The following TNFRSF10C variants were observed in gnomAD, a reference collection of about 807,000 sequenced individuals.
The protein encoded by TNFRSF10C is tumor necrosis factor receptor superfamily member 10C.
A neutral mutation model predicts 16.7 loss-of-function variants in TNFRSF10C; 17 were observed. That is an observed-to-expected ratio of 1.02 (90% CI 0.70 to 1.53). The LOEUF is 1.53. Ranked by LOEUF, TNFRSF10C falls within the 40% of genes most tolerant of loss-of-function variation. TNFRSF10C has a pLI of 0.00. For synonymous variants in TNFRSF10C, 73 were observed against 119.7 expected (o/e 0.61, Z 2.55); for missense variants, 237 against 329.7 (o/e 0.72, Z 2.18).
At chr8:23,115,638 C>T (rs201292747) in intron 4 of TNFRSF10C, 22 bp downstream of exon 4, 1 of 1,601,320 alleles carries the variant, frequency 6.2e-7, no homozygotes, top group African/African-American at 1.3e-5. Flanking sequence ...GTCAGGGGCT[C>T]CTGACAGCTT....
intron 2 of TNFRSF10C, 28 bp from the exon 3 acceptor site, chr8:23,114,629 A>C: frequency 1.3e-6 from 2 of 1,582,502 alleles, no homozygotes; most frequent in South Asian, 1.1e-5. Flanking sequence ...GTGGTGACTC[A>C]TTCATTGGCT....
Position 23,103,041 on chromosome 8 carries a change from T to C in TNFRSF10C, c.-81T>C, listed in dbSNP as rs1327726548. The C allele has an allele frequency of 6.4e-7, 1 of 1,569,192 alleles. No homozygotes were observed. The highest frequency in any genetic ancestry group is 1.2e-5 in the South Asian group (1 of 85,444). ...GGAGCGCTTCCTACCGTTAGGGAACTCTGGGGACAGAGCGCCCCGGCCGCC... is the reference window on the plus strand; with the variant it reads ...GGAGCGCTTCCTACCGTTAGGGAACCCTGGGGACAGAGCGCCCCGGCCGCC... On this transcript the variant is annotated 5_prime_UTR_variant, in exon 1 of 5. Coordinates refer to ENST00000356864, the MANE Select transcript of TNFRSF10C (RefSeq NM_003841.5).
chr8:23,112,067 C>T (rs189841694), intron 2 of TNFRSF10C, among the ~76,000 whole-genome samples: 6 of 152,112 alleles, frequency 3.9e-5, no homozygotes, highest in Admixed American at 3.9e-4. Context: ...TCTGTGGGTT[C>T]TGTAGCCTTC....
chr8:23,117,084 G>A lies in TNFRSF10C; in HGVS notation c.*53G>A, dbSNP rs1041810529. The A allele has an allele frequency of 9.1e-5, 145 of 1,587,714 alleles. 1 individual carries two copies. Among genetic ancestry groups the A allele is most frequent in the Admixed American group, 2.1e-4 (12 of 58,518 alleles). On this transcript the variant is annotated 3_prime_UTR_variant, in exon 5 of 5. Coordinates refer to ENST00000356864, the MANE Select transcript of TNFRSF10C (RefSeq NM_003841.5). ...CCTTACCTGAAAGGTTCAGGTAGGCGCTGGCTGAGGGCGGGGGGCGCTGGA... is the reference window on the plus strand; with the variant it reads ...CCTTACCTGAAAGGTTCAGGTAGGCACTGGCTGAGGGCGGGGGGCGCTGGA...
chr8:23,117,054 T>C lies in TNFRSF10C; in HGVS notation c.*23T>C, dbSNP rs752180102. ...TGAAAGACTTCACTGTGGAAGAAAT[T>C]CCTTCCTTACCTGAAAGGTTCAGGT... On this transcript the variant is annotated 3_prime_UTR_variant, in exon 5 of 5. Coordinates refer to ENST00000356864, the MANE Select transcript of TNFRSF10C (RefSeq NM_003841.5). The C allele has an allele frequency of 6.2e-7, 1 of 1,608,974 alleles. No individual in the cohort carries two copies. The highest frequency in any genetic ancestry group is 1.3e-5 in the African/African-American group (1 of 74,772).
chr8:23,107,812 T>C (rs888849004), intron 1 of TNFRSF10C, among the ~76,000 whole-genome samples: 2 of 152,184 alleles, frequency 1.3e-5, no homozygotes, highest in African/African-American at 4.8e-5. Flanking sequence ...TTGGAAGGGC[T>C]GAGAAAGCAA....
At chr8:23,112,737 A>T (rs1813903321) in intron 2 of TNFRSF10C, among the ~76,000 whole-genome samples, 1 of 152,242 alleles carries the variant, frequency 6.6e-6, no homozygotes, top group African/African-American at 2.4e-5. Flanking sequence ...ACGTAGGTTG[A>T]TTCCATGTCT....
At chr8:23,111,280 G>A (rs887286385) in intron 1 of TNFRSF10C, among the ~76,000 whole-genome samples, 8 of 151,342 alleles carry the variant, frequency 5.3e-5, no homozygotes, top group African/African-American at 1.5e-4. Flanking sequence ...GCAATGGCGC[G>A]ATCTTGGCTC....
At position 23,110,069 on chromosome 8, in the gene TNFRSF10C, C is replaced by CAAAAAAAAAAAA. The variant is rs56263402; in HGVS notation, c.61-1636_61-1625dup. 1.6e-3 allele frequency among the ~76,000 whole-genome samples: 62 copies of CAAAAAAAAAAAA among 39,650 alleles called. 11 individuals are homozygous for CAAAAAAAAAAAA. Among genetic ancestry groups the CAAAAAAAAAAAA allele is most frequent in the East Asian group, 6.5e-3 (7 of 1,070 alleles). The allele number at this position is 39,650 out of a possible 152,430, so 26.0% of individuals were successfully genotyped here. ...GGAGGACAGAGGGAGACCCTGTCTC[C>CAAAAAAAAAAAA]AAAAAAAAAAAAAAAAAAAAAAAAA... On this transcript the variant is annotated intron_variant, in intron 1 of 4. Transcript: ENST00000356864.
At chr8:23,103,289 G>A (rs1373318857) in intron 1 of TNFRSF10C, 108 bp downstream of exon 1, 4 of 1,522,210 alleles carry the variant, frequency 2.6e-6, no homozygotes, top group Non-Finnish European at 3.6e-6. Flanking sequence ...ACCTGCGGCC[G>A]GGCATGTCCG....
At chr8:23,106,764 A>G (rs1813784042) in intron 1 of TNFRSF10C, among the ~76,000 whole-genome samples, 1 of 152,076 alleles carries the variant, frequency 6.6e-6, no homozygotes, top group Admixed American at 6.5e-5. Flanking sequence ...AGGCAGGTGG[A>G]TCACGAGGTC....
At chr8:23,116,615 T>C (rs1228061288) in intron 4 of TNFRSF10C, 26 bp from the exon 5 acceptor site, 4 of 1,602,586 alleles carry the variant, frequency 2.5e-6, no homozygotes, top group Non-Finnish European at 3.4e-6. Flanking sequence ...TCAGGAGTCC[T>C]CACCTCCCTC....
intron 1 of TNFRSF10C, chr8:23,103,402 C>A: frequency 3.9e-6 from 3 of 764,174 alleles, no homozygotes; most frequent in Non-Finnish European, 6.3e-6. Context: ...CCCCTGGCTG[C>A]CCCGAGCCCG....
At chr8:23,115,850 C>A (rs1018964006) in intron 4 of TNFRSF10C, among the ~76,000 whole-genome samples, 1 of 152,104 alleles carries the variant, frequency 6.6e-6, no homozygotes, top group Admixed American at 6.5e-5. Context: ...TCCCCTTGGC[C>A]AGACCAACTT....
intron 1 of TNFRSF10C, among the ~76,000 whole-genome samples, chr8:23,107,929 G>T (rs775439914): frequency 2.0e-5 from 3 of 152,198 alleles, no homozygotes; most frequent in African/African-American, 2.4e-5. Context: ...AGAGTGTAAG[G>T]CCAAGAAAAC....
At chr8:23,114,808 G>T (rs4242389) in intron 3 of TNFRSF10C, 38 bp downstream of exon 3, 1 of 1,576,406 alleles carries the variant, frequency 6.3e-7, no homozygotes, top group Non-Finnish European at 8.7e-7. Context: ...GAGGTGGAGC[G>T]TGGGGCAATG....
chr8:23,114,046 A>G (rs1340339544), intron 2 of TNFRSF10C, among the ~76,000 whole-genome samples: 1 of 152,034 alleles, frequency 6.6e-6, no homozygotes, highest in Non-Finnish European at 1.5e-5. Context: ...GAGATAGACA[A>G]GGTTGGTGGG....
Position 23,114,752 on chromosome 8 carries a change from T to A in TNFRSF10C, c.262T>A (p.Cys88Ser). 1 of 1,613,912 alleles carries A rather than the reference T, an allele frequency of 6.2e-7. No individual in the cohort carries two copies. The highest frequency in any genetic ancestry group is 1.7e-5 in the Admixed American group (1 of 60,012). The change falls in exon 3 of 5, where the codon TGT becomes AGT. Residue 88 changes from cysteine to serine, a missense_variant. Cys to Ser is a moderately radical substitution (Grantham distance 112). Coordinates refer to ENST00000356864, the MANE Select transcript of TNFRSF10C (RefSeq NM_003841.5). ...CAACAATGAACCTTCTTGCTTCCCA[T>A]GTACAGTTTGTAAATCAGGTACAGA... is the stretch of plus-strand genomic sequence containing the variant. ...ASNNEPSCFP[C>S]TVCKSDQKHK... is the part of the protein sequence containing the mutation.
chr8:23,113,848 C>T (rs1265506568), intron 2 of TNFRSF10C, among the ~76,000 whole-genome samples: 3 of 151,432 alleles, frequency 2.0e-5, no homozygotes, highest in African/African-American at 2.4e-5. Context: ...CCCAGCTACT[C>T]GGGAGGCTGA....
Sources: allele counts gnomAD v4.1 joint callset (sites outside exome capture counted in the v4.1 genomes callset), GRCh38; gene constraint gnomAD v4.1.1; transcripts MANE v1.5; gene names NCBI Gene and HGNC (gene_info 2026-07-23, HGNC 2026-07-21).